The following ENOX1 variants were observed in gnomAD, a reference collection of about 807,000 sequenced individuals.
The protein encoded by ENOX1 is ecto-NOX disulfide-thiol exchanger 1.
In ENOX1, 42 loss-of-function variants were observed where a neutral mutation model predicts 82.5. That is an observed-to-expected ratio of 0.51 (90% confidence interval 0.40 to 0.66). ENOX1 has a LOEUF of 0.66. ENOX1 is among the 30% of genes least tolerant of loss of function. The probability of loss-of-function intolerance (pLI) is 0.00; values close to 1 mark genes in which losing one functional copy is unlikely to be tolerated. For missense variants in ENOX1, 608 were observed against 811.6 expected (o/e 0.75, Z 3.05); for synonymous variants, 271 against 282.2 (o/e 0.96, Z 0.40).
At chr13:43,781,840 G>T (rs998220978) in intron 1 of ENOX1, among the ~76,000 whole-genome samples, 1 of 152,144 alleles carries the variant, frequency 6.6e-6, no homozygotes, top group African/African-American at 2.4e-5. Flanking sequence ...GAGTCTGTAG[G>T]ACCTTAAACT....
intron 2 of ENOX1, among the ~76,000 whole-genome samples, chr13:43,666,124 T>C (rs1458197052): frequency 6.6e-6 from 1 of 152,050 alleles, no homozygotes; most frequent in African/African-American, 2.4e-5. Context: ...GCTAAAACAA[T>C]GTTGATACAG....
intron 1 of ENOX1, among the ~76,000 whole-genome samples, chr13:43,720,112 T>C (rs1181633625): frequency 1.3e-5 from 2 of 152,158 alleles, no homozygotes; most frequent in East Asian, 3.8e-4. Flanking sequence ...CATGTTATTA[T>C]TGAAAAATCA....
chr13:43,536,274 G>T (rs2078457249), intron 2 of ENOX1, among the ~76,000 whole-genome samples: 1 of 152,142 alleles, frequency 6.6e-6, no homozygotes, highest in Non-Finnish European at 1.5e-5. Flanking sequence ...TTAGTACAGA[G>T]ATTAACCTCT....
At chr13:43,481,812 C>A (rs1232178491) in intron 3 of ENOX1, among the ~76,000 whole-genome samples, 2 of 152,036 alleles carry the variant, frequency 1.3e-5, no homozygotes, top group Non-Finnish European at 2.9e-5. Context: ...AACTCAACTG[C>A]AAAATATCCA....
chr13:43,454,966 T>C (rs558780191), intron 3 of ENOX1, among the ~76,000 whole-genome samples: 1 of 152,040 alleles, frequency 6.6e-6, no homozygotes, highest in South Asian at 2.1e-4. Flanking sequence ...CCACCTGTTG[T>C]CCTGGGGCTT....
chr13:43,716,007 C>T (rs1454066631), intron 1 of ENOX1, among the ~76,000 whole-genome samples: 2 of 152,176 alleles, frequency 1.3e-5, no homozygotes, highest in Non-Finnish European at 2.9e-5. Flanking sequence ...TTTGAATTTC[C>T]TCCTGTAGCT....
chr13:43,356,105 G>T lies in ENOX1; in HGVS notation c.637C>A (p.Arg213Ser), dbSNP rs1386716095. Residue 213 changes from arginine (R) to serine (S), a missense_variant, in exon 8 of 17, where the codon CGC (arginine) becomes AGC (serine). Physicochemically the swap from Arg to Ser is moderately radical, Grantham distance 110. Transcript: ENST00000690772. ...GCCTGGGCAAAGTCCACATGAAGGCGGCCTGAATCCTTTTTGTCGGTGCTA... is the reference window on the plus strand; with the variant it reads ...GCCTGGGCAAAGTCCACATGAAGGCTGCCTGAATCCTTTTTGTCGGTGCTA... ...GSSTDKKDSG[R>S]LHVDFAQARD... The T allele has an allele frequency of 6.2e-7, 1 of 1,614,106 alleles. No homozygotes were observed. Among genetic ancestry groups the T allele is most frequent in the Admixed American group, 1.7e-5 (1 of 60,016 alleles).
intron 2 of ENOX1, among the ~76,000 whole-genome samples, chr13:43,629,122 T>C (rs2083096185): frequency 6.6e-6 from 1 of 152,156 alleles, no homozygotes; most frequent in African/African-American, 2.4e-5. Flanking sequence ...CGCTCCCTAC[T>C]TTGTCTCTGA....
intron 1 of ENOX1, among the ~76,000 whole-genome samples, chr13:43,726,122 A>G (rs1376946635): frequency 1.3e-5 from 2 of 152,204 alleles, no homozygotes; most frequent in South Asian, 4.1e-4. Context: ...AAGTGTGACC[A>G]TAAAATTAAA....
intron 3 of ENOX1, among the ~76,000 whole-genome samples, chr13:43,471,423 AG>A: frequency 6.6e-6 from 1 of 152,212 alleles, no homozygotes; most frequent in East Asian, 1.9e-4. Flanking sequence ...TTACCTCAAA[AG>A]AAAAAACAAA....
chr13:43,446,081 G>T (rs1447939412), intron 3 of ENOX1, among the ~76,000 whole-genome samples: 1 of 152,062 alleles, frequency 6.6e-6, no homozygotes, highest in Non-Finnish European at 1.5e-5. Context: ...AGAAATCAAG[G>T]GAGGGAACAA....
At chr13:43,380,572 A>C (rs2051970545) in intron 5 of ENOX1, among the ~76,000 whole-genome samples, 1 of 151,742 alleles carries the variant, frequency 6.6e-6, no homozygotes, top group African/African-American at 2.4e-5. Context: ...TAATCATATT[A>C]AATATAAACA....
intron 5 of ENOX1, 97 bp downstream of exon 5, chr13:43,411,817 CTG>C: frequency 6.8e-7 from 1 of 1,461,382 alleles, no homozygotes; most frequent in Non-Finnish European, 9.3e-7. Flanking sequence ...AAATAAAAGA[CTG>C]TGTCCAACAC....
chr13:43,746,270 T>G (rs1301024958), intron 1 of ENOX1, among the ~76,000 whole-genome samples: 1 of 152,140 alleles, frequency 6.6e-6, no homozygotes, highest in African/African-American at 2.4e-5. Context: ...TATTAATGTA[T>G]TTCTGTAGGT....
intron 2 of ENOX1, among the ~76,000 whole-genome samples, chr13:43,657,264 T>C (rs973087385): frequency 6.6e-6 from 1 of 152,250 alleles, no homozygotes; most frequent in Non-Finnish European, 1.5e-5. Flanking sequence ...AACTGTTACA[T>C]AGGACTAGGC....
intron 8 of ENOX1, among the ~76,000 whole-genome samples, chr13:43,352,053 C>A (rs528493011): frequency 6.6e-6 from 1 of 152,332 alleles, no homozygotes; most frequent in African/African-American, 2.4e-5. Context: ...TTTTTACTTT[C>A]ATGGAACCAT....
At chr13:43,658,794 G>A (rs892767288) in intron 2 of ENOX1, among the ~76,000 whole-genome samples, 2 of 152,140 alleles carry the variant, frequency 1.3e-5, no homozygotes, top group South Asian at 4.2e-4. Context: ...TCGCTCTTGT[G>A]TTGGTCCTAT....
chr13:43,318,377 C>T (rs1183883523), intron 11 of ENOX1, among the ~76,000 whole-genome samples: 1 of 152,070 alleles, frequency 6.6e-6, no homozygotes, highest in Admixed American at 6.5e-5. Context: ...AGTCTTACAC[C>T]CTAGAGAACT....
intron 1 of ENOX1, among the ~76,000 whole-genome samples, chr13:43,758,905 T>C (rs1312926407): frequency 1.3e-5 from 2 of 152,166 alleles, no homozygotes; most frequent in Non-Finnish European, 2.9e-5. Context: ...AAATTCAAAA[T>C]TTTATTTGTT....
Sources: allele counts gnomAD v4.1 joint callset (sites outside exome capture counted in the v4.1 genomes callset), GRCh38; gene constraint gnomAD v4.1.1; transcripts MANE v1.5; gene names NCBI Gene and HGNC (gene_info 2026-07-23, HGNC 2026-07-21).